The following BTBD9 variants were observed in gnomAD, a reference collection of about 807,000 sequenced individuals.
BTBD9 encodes the protein BTB domain containing 9, also known as BTB/POZ domain-containing protein 9.
Under a neutral mutation model 64.3 loss-of-function variants are expected in BTBD9, and 49 were observed. That is an observed-to-expected ratio of 0.76 (90% CI 0.61 to 0.97). BTBD9 has a LOEUF of 0.97. Ranked by LOEUF, BTBD9 falls within the 50% of genes least tolerant of loss-of-function variation. The pLI is 0.00. For missense variants in BTBD9, 598 were observed against 762.1 expected (o/e 0.78, Z 2.53); for synonymous variants, 260 against 274.7 (o/e 0.95, Z 0.53).
rs968634994 is a variant in BTBD9, at chr6:38,330,599, G to A, written c.1264+14385C>T. Among the ~76,000 whole-genome samples, 6 of 152,090 alleles carry A rather than the reference G, an allele frequency of 3.9e-5. No individual in the cohort carries two copies. The East Asian group carries it at 7.7e-4, about 20-fold the overall frequency. On this transcript the variant is annotated intron_variant, in intron 7 of 10. Coordinates refer to ENST00000481247, the MANE Select transcript of BTBD9 (RefSeq NM_001099272.2). ...TTTTTTTAATGAAACTTGACAAGCC[G>A]ATTTTCAAGTTCATTGGAAAAGAAA...
intron 9 of BTBD9, among the ~76,000 whole-genome samples, chr6:38,218,729 T>C (rs542761562): frequency 4.7e-4 from 72 of 152,294 alleles, no homozygotes; most frequent in Admixed American, 8.5e-4. Context: ...AGGACAGCCA[T>C]ACTGAGGCTA....
intron 9 of BTBD9, among the ~76,000 whole-genome samples, chr6:38,204,653 T>G (rs911644605): frequency 6.6e-6 from 1 of 152,178 alleles, no homozygotes; most frequent in African/African-American, 2.4e-5. Context: ...TCTGTGAATA[T>G]ACTAAAGCCA....
chr6:38,272,965 C>G (rs1291039526), intron 8 of BTBD9, among the ~76,000 whole-genome samples: 1 of 152,172 alleles, frequency 6.6e-6, no homozygotes, highest in East Asian at 1.9e-4. Flanking sequence ...CCAACCAACC[C>G]TTCTCACAAG....
intron 6 of BTBD9, among the ~76,000 whole-genome samples, chr6:38,401,160 A>G (rs1766910136): frequency 6.6e-6 from 1 of 152,124 alleles, no homozygotes; most frequent in Non-Finnish European, 1.5e-5. Flanking sequence ...GTGGGAGGTG[A>G]CTGGGTCATG....
intron 6 of BTBD9, among the ~76,000 whole-genome samples, chr6:38,538,359 A>G (rs1774116687): frequency 1.3e-5 from 2 of 152,212 alleles, no homozygotes; most frequent in South Asian, 4.1e-4. Flanking sequence ...GTCAACACTA[A>G]TAATAAAAGG....
intron 6 of BTBD9, among the ~76,000 whole-genome samples, chr6:38,494,081 T>C (rs1161827701): frequency 6.6e-6 from 1 of 152,144 alleles, no homozygotes; most frequent in South Asian, 2.1e-4. Flanking sequence ...GAAGAAAAAA[T>C]GAAGAGATTC....
chr6:38,291,336 A>G (rs1279656046), intron 7 of BTBD9, among the ~76,000 whole-genome samples: 2 of 152,202 alleles, frequency 1.3e-5, no homozygotes, highest in African/African-American at 4.8e-5. Context: ...ATTTTTGCAC[A>G]TTGATTTTGT....
rs575338238 is a variant in BTBD9 at position 38,264,557 on chromosome 6, G to A, written c.1455-8041C>T. 2.6e-5 allele frequency among the ~76,000 whole-genome samples: 4 copies of A among 152,348 alleles called. No individual in the cohort carries two copies. In the South Asian group the frequency reaches 8.3e-4, roughly 32 times the overall value. On this transcript the variant is annotated intron_variant, in intron 8 of 10. Coordinates refer to ENST00000481247, the MANE Select transcript of BTBD9 (RefSeq NM_001099272.2). ...TCTAATCTCTGCTACTGAGGGGCAG[G>A]AGGGAGCCTGTAACAGCTTCCAGAA...
At chr6:38,484,386 A>C (rs1582507855) in intron 6 of BTBD9, among the ~76,000 whole-genome samples, 1 of 152,380 alleles carries the variant, frequency 6.6e-6, no homozygotes, top group East Asian at 1.9e-4. Flanking sequence ...TTAGATTTAT[A>C]AAAACACTTC....
intron 6 of BTBD9, among the ~76,000 whole-genome samples, chr6:38,422,244 A>T (rs1185537778): frequency 6.6e-6 from 1 of 152,170 alleles, no homozygotes; most frequent in African/African-American, 2.4e-5. Flanking sequence ...CAATATATAC[A>T]AAAATGGATA....
At position 38,192,533 on chromosome 6, in the gene BTBD9, T is replaced by A; in HGVS notation, c.1627A>T (p.Asn543Tyr). Residue 543 changes from asparagine to tyrosine, a missense_variant, in exon 10 of 11, where the codon AAC becomes TAC. Asn to Tyr is a moderately radical substitution (Grantham distance 143). Transcript: ENST00000481247. ...ASFIRIVGTHNTANEVFHCVH... is the reference protein window; with the variant it reads ...ASFIRIVGTHYTANEVFHCVH... ...GAGACCCTTACCTCATTTGCTGTGT[T>A]GTGTGTCCCAACGATACGGATGAAG... 6.2e-7 allele frequency: 1 copy of A among 1,613,860 alleles called. No homozygotes were observed. Among genetic ancestry groups the A allele is most frequent in the African/African-American group, 1.3e-5 (1 of 75,020 alleles).
At chr6:38,359,791 G>C (rs938367129) in intron 6 of BTBD9, among the ~76,000 whole-genome samples, 8 of 152,132 alleles carry the variant, frequency 5.3e-5, no homozygotes, top group African/African-American at 1.9e-4. Context: ...ATCGGCTCAA[G>C]AGGTTCTTTG....
At chr6:38,585,038 C>T (rs1216649344) in intron 4 of BTBD9, among the ~76,000 whole-genome samples, 3 of 151,112 alleles carry the variant, frequency 2.0e-5, no homozygotes, top group African/African-American at 7.3e-5. Context: ...TGAAAGGGAC[C>T]GTCATCCTAT....
chr6:38,364,941 A>C (rs982388625), intron 6 of BTBD9, among the ~76,000 whole-genome samples: 1 of 152,170 alleles, frequency 6.6e-6, no homozygotes, highest in Admixed American at 6.5e-5. Flanking sequence ...TAAATGAATC[A>C]CATCCTAGGA....
At position 38,630,991 on chromosome 6, in the gene BTBD9, T is replaced by C. The variant is rs1479738274; in HGVS notation, c.-28+8809A>G. On this transcript the variant is annotated intron_variant, in intron 1 of 10. Transcript: ENST00000481247. The stretch of plus-strand genomic sequence containing the variant: ...GAGGAAGCATTTTTCTTCTAAAAGT[T>C]TGGAAAGTGAATTACCTTACCTAGA... Among the ~76,000 whole-genome samples, 4 of 152,360 alleles carry C rather than the reference T, an allele frequency of 2.6e-5. No homozygotes were observed. The East Asian group carries it at 7.7e-4, about 29-fold the overall frequency.
chr6:38,516,139 G>A (rs1398250564), intron 6 of BTBD9, among the ~76,000 whole-genome samples: 1 of 152,096 alleles, frequency 6.6e-6, no homozygotes, highest in Non-Finnish European at 1.5e-5. Context: ...CCTACAAGTA[G>A]CCTCACCTCA....
intron 6 of BTBD9, among the ~76,000 whole-genome samples, chr6:38,539,128 C>T (rs539042985): frequency 3.9e-5 from 6 of 152,180 alleles, no homozygotes; most frequent in South Asian, 2.1e-4. Context: ...GATAAAGTCT[C>T]GCTGTGTTGC....
intron 6 of BTBD9, among the ~76,000 whole-genome samples, chr6:38,423,261 T>C (rs1211964146): frequency 1.3e-5 from 2 of 151,598 alleles, no homozygotes; most frequent in African/African-American, 2.4e-5. Flanking sequence ...AGAGACTCTG[T>C]CCCCCCCAAA....
intron 6 of BTBD9, among the ~76,000 whole-genome samples, chr6:38,474,826 T>C (rs1012478060): frequency 8.5e-5 from 13 of 152,198 alleles, no homozygotes; most frequent in Admixed American, 3.3e-4. Context: ...TGATCTCTAA[T>C]GCCTATAATT....
Sources: gnomAD v4.1 joint callset for allele counts (sites outside exome capture counted in the v4.1 genomes callset) on GRCh38, gnomAD v4.1.1 for gene constraint, MANE v1.5 for transcripts, NCBI Gene and HGNC (gene_info 2026-07-23, HGNC 2026-07-21) for gene names.